Variants in ERC2 observed in about 807,000 individuals in gnomAD.
ERC2 encodes the protein ELKS/RAB6-interacting/CAST family member 2, also known as ERC protein 2.
ERC2 carries 42 observed loss-of-function variants against 114.8 expected under a neutral mutation model. That is an observed-to-expected ratio of 0.37 (90% CI 0.29 to 0.47). The LOEUF (loss-of-function observed/expected upper bound fraction) is 0.47, where lower values mean the gene tolerates loss of function less well. Ranked by LOEUF, ERC2 falls within the 20% of genes least tolerant of loss-of-function variation. ERC2 has a pLI of 0.99. For synonymous variants in ERC2, 454 were observed against 425.5 expected (o/e 1.07, Z -0.82); for missense variants, 939 against 1,150.7 (o/e 0.82, Z 2.66).
chr3:55,604,747 T>A (rs1691411939), intron 17 of ERC2, among the ~76,000 whole-genome samples: 1 of 152,238 alleles, frequency 6.6e-6, no homozygotes, highest in Non-Finnish European at 1.5e-5. Flanking sequence ...TCTGCCAACT[T>A]GCCTGATGAA....
chr3:56,373,272 G>A (rs1001854603), intron 2 of ERC2, among the ~76,000 whole-genome samples: 11 of 152,202 alleles, frequency 7.2e-5, no homozygotes, highest in South Asian at 6.2e-4. Flanking sequence ...AAGCCAGGCC[G>A]ATATTCACCA....
At chr3:56,381,622 T>C (rs1417350863) in intron 2 of ERC2, among the ~76,000 whole-genome samples, 1 of 149,096 alleles carries the variant, frequency 6.7e-6, no homozygotes, top group Non-Finnish European at 1.5e-5. Context: ...AAAGATCAAC[T>C]TAAGGAGAAA....
chr3:56,411,421 C>A (rs1376085339), intron 2 of ERC2, among the ~76,000 whole-genome samples: 2 of 151,748 alleles, frequency 1.3e-5, no homozygotes, highest in East Asian at 3.9e-4. Context: ...TGTTTCAGCA[C>A]GCCGGAAAGT....
intron 2 of ERC2, among the ~76,000 whole-genome samples, chr3:56,298,835 T>C (rs1476290781): frequency 6.6e-6 from 1 of 152,122 alleles, no homozygotes; most frequent in Non-Finnish European, 1.5e-5. Context: ...ACACTGTAAA[T>C]GAGTGAATTG....
intron 1 of ERC2, among the ~76,000 whole-genome samples, chr3:56,451,479 G>A (rs999123486): frequency 3.3e-5 from 5 of 152,098 alleles, no homozygotes; most frequent in African/African-American, 9.7e-5. Flanking sequence ...AAGAATAAAC[G>A]TTACATCCTA....
intron 17 of ERC2, among the ~76,000 whole-genome samples, chr3:55,529,778 G>A (rs1022848329): frequency 6.6e-6 from 1 of 152,144 alleles, no homozygotes; most frequent in African/African-American, 2.4e-5. Context: ...CCCTCAAATG[G>A]TGCCCAGGCC....
intron 13 of ERC2, among the ~76,000 whole-genome samples, chr3:55,917,224 T>C (rs1417458274): frequency 1.3e-5 from 2 of 152,148 alleles, no homozygotes; most frequent in African/African-American, 4.8e-5. Context: ...TGTATACCCT[T>C]ATACACTTTC....
chr3:56,161,355 C>T (rs2082038131), intron 4 of ERC2, among the ~76,000 whole-genome samples: 1 of 152,118 alleles, frequency 6.6e-6, no homozygotes. Flanking sequence ...GTGAGGACAG[C>T]CTATTACAAT....
chr3:55,914,273 A>G (rs1270311852), intron 13 of ERC2, among the ~76,000 whole-genome samples: 1 of 152,026 alleles, frequency 6.6e-6, no homozygotes, highest in Non-Finnish European at 1.5e-5. Flanking sequence ...GCGCTCCCAA[A>G]CCCTTTCTGT....
chr3:56,334,557 C>T (rs982624564), intron 2 of ERC2, among the ~76,000 whole-genome samples: 2 of 152,114 alleles, frequency 1.3e-5, no homozygotes, highest in South Asian at 4.1e-4. Flanking sequence ...TAACTATAAA[C>T]ATATAATATT....
chr3:56,400,384 A>C (rs1576770952), intron 2 of ERC2, among the ~76,000 whole-genome samples: 1 of 152,172 alleles, frequency 6.6e-6, no homozygotes, highest in Non-Finnish European at 1.5e-5. Context: ...ATTTTCCATA[A>C]AATTTTTCTA....
At chr3:56,416,831 C>T (rs1386322054) in intron 2 of ERC2, among the ~76,000 whole-genome samples, 1 of 152,154 alleles carries the variant, frequency 6.6e-6, no homozygotes, top group Non-Finnish European at 1.5e-5. Context: ...TAGCTCAGCA[C>T]ATGGTTCCAT....
intron 17 of ERC2, among the ~76,000 whole-genome samples, chr3:55,542,649 T>C (rs945881695): frequency 5.9e-5 from 9 of 152,182 alleles, no homozygotes; most frequent in African/African-American, 2.2e-4. Flanking sequence ...AGATCTTTCA[T>C]GAAAAAATGA....
intron 17 of ERC2, among the ~76,000 whole-genome samples, chr3:55,549,589 G>T (rs181528135): frequency 6.6e-6 from 1 of 150,950 alleles, no homozygotes; most frequent in African/African-American, 2.4e-5. Context: ...GTTATATCAG[G>T]TATTATTCTA....
intron 3 of ERC2, among the ~76,000 whole-genome samples, chr3:56,258,781 T>G (rs1182693810): frequency 6.6e-6 from 1 of 152,200 alleles, no homozygotes; most frequent in Non-Finnish European, 1.5e-5. Context: ...GTTCACGTGA[T>G]ATTCGAGATG....
In ERC2 at chr3:55,851,751, A is replaced by G. The variant is rs566945550; in HGVS notation, c.2564+36638T>C. ...TTAGAGTTGACCACAACAAAACTGC[A>G]TGAGAAAAAAAAAAAAAGAATCCTT... is the stretch of plus-strand genomic sequence containing the variant. On this transcript the variant is annotated intron_variant, in intron 14 of 17. Transcript: ENST00000288221. 9.9e-5 allele frequency among the ~76,000 whole-genome samples: 15 copies of G among 151,708 alleles called. No individual in the cohort carries two copies. In the South Asian group the frequency reaches 1.5e-3, roughly 15 times the overall value.
At chr3:55,946,265 C>T (rs141554080) in intron 13 of ERC2, among the ~76,000 whole-genome samples, 3 of 152,220 alleles carry the variant, frequency 2.0e-5, no homozygotes, top group Non-Finnish European at 4.4e-5. Context: ...AAAAGCTCTA[C>T]AGAATTATAC....
chr3:55,823,721 G>T (rs576467886), intron 14 of ERC2, among the ~76,000 whole-genome samples: 2 of 152,018 alleles, frequency 1.3e-5, no homozygotes, highest in South Asian at 2.1e-4. Context: ...CTTCTTCCTG[G>T]TTTCATTTTC....
intron 13 of ERC2, among the ~76,000 whole-genome samples, chr3:55,894,267 A>G (rs2063742686): frequency 6.6e-6 from 1 of 152,232 alleles, no homozygotes; most frequent in Non-Finnish European, 1.5e-5. Flanking sequence ...AAGAACCTAG[A>G]CAAAATTTTC....
Sources: gnomAD v4.1 joint callset for allele counts (sites outside exome capture counted in the v4.1 genomes callset) on GRCh38, gnomAD v4.1.1 for gene constraint, MANE v1.5 for transcripts, NCBI Gene and HGNC (gene_info 2026-07-23, HGNC 2026-07-21) for gene names.